Variants in SRD5A2 observed in about 807,000 individuals in gnomAD.
SRD5A2 encodes the protein steroid 5 alpha-reductase 2.
A neutral mutation model predicts 27.4 loss-of-function variants in SRD5A2; 30 were observed. The observed-to-expected ratio is 1.10, with a 90% CI of 0.82 to 1.49. SRD5A2 has a LOEUF of 1.49. SRD5A2 is among the 40% of genes most tolerant of loss of function. SRD5A2 has a pLI of 0.00. For missense variants in SRD5A2, 348 were observed against 323.4 expected, an observed-to-expected ratio of 1.08 and a Z score of -0.58; for synonymous variants, 141 against 133.6, an observed-to-expected ratio of 1.06 and a Z score of -0.38.
At chr2:31,589,972 G>C in the SRD5A2 span, among the ~76,000 whole-genome samples, 1 of 152,132 alleles carries the variant, frequency 6.6e-6, no homozygotes, top group Non-Finnish European at 1.5e-5. Context: ...TGAGAGCTGA[G>C]TGAGGCCCGT....
the SRD5A2 span, among the ~76,000 whole-genome samples, chr2:31,628,514 T>G: frequency 6.6e-6 from 1 of 152,176 alleles, no homozygotes; most frequent in Non-Finnish European, 1.5e-5. Context: ...CCTGTCATCA[T>G]ATTGTTAGCT....
At chr2:31,609,602 C>T in the SRD5A2 span, among the ~76,000 whole-genome samples, 2 of 152,208 alleles carry the variant, frequency 1.3e-5, no homozygotes, top group East Asian at 3.9e-4. Context: ...TTTCACCCCA[C>T]ATGCAAAAAT....
upstream of SRD5A2, among the ~76,000 whole-genome samples, chr2:31,583,319 A>T (rs1667112653): frequency 6.6e-6 from 1 of 152,228 alleles, no homozygotes; most frequent in Admixed American, 6.5e-5. Flanking sequence ...GCACACCCTT[A>T]CTTCCTATTT....
chr2:31,603,294 GA>G, the SRD5A2 span, among the ~76,000 whole-genome samples: 5 of 151,544 alleles, frequency 3.3e-5, no homozygotes, highest in South Asian at 4.2e-4. Flanking sequence ...CATACATGTG[GA>G]AAAAAAAGCT....
At chr2:31,531,826 C>T (rs889075534) in intron 2 of SRD5A2, among the ~76,000 whole-genome samples, 9 of 152,182 alleles carry the variant, frequency 5.9e-5, no homozygotes, top group Admixed American at 4.6e-4. Context: ...ACAGTCAAAT[C>T]GAGGTTTCAT....
At chr2:31,551,651 G>A (rs571105030) in intron 1 of SRD5A2, among the ~76,000 whole-genome samples, 1 of 152,252 alleles carries the variant, frequency 6.6e-6, no homozygotes, top group African/African-American at 2.4e-5. Context: ...AATGCATTTT[G>A]CTTTCATACC....
At chr2:31,560,303 A>T (rs1047188775) in intron 1 of SRD5A2, among the ~76,000 whole-genome samples, 2 of 152,024 alleles carry the variant, frequency 1.3e-5, no homozygotes, top group South Asian at 2.1e-4. Flanking sequence ...GACTGTGGGG[A>T]TGGGGAGAGA....
chr2:31,606,975 T>C, the SRD5A2 span, among the ~76,000 whole-genome samples: 1 of 151,936 alleles, frequency 6.6e-6, no homozygotes, highest in Admixed American at 6.6e-5. Flanking sequence ...AACAGAGAAA[T>C]GAGAAATCAC....
At chr2:31,655,481 T>C in the SRD5A2 span, among the ~76,000 whole-genome samples, 8 of 152,332 alleles carry the variant, frequency 5.3e-5, 2 homozygotes, top group African/African-American at 1.9e-4. Context: ...TTGTGGGGCC[T>C]GAGCAAGCAC....
At chr2:31,546,093 G>A (rs1223196977) in intron 1 of SRD5A2, among the ~76,000 whole-genome samples, 1 of 151,980 alleles carries the variant, frequency 6.6e-6, no homozygotes, top group Non-Finnish European at 1.5e-5. Flanking sequence ...CATGTTCATG[G>A]ACTGGAAGAC....
chr2:31,626,431 G>A, the SRD5A2 span, among the ~76,000 whole-genome samples: 1 of 152,222 alleles, frequency 6.6e-6, no homozygotes, highest in East Asian at 1.9e-4. Flanking sequence ...GCCCTGTCTT[G>A]TGCCGGTTTT....
At chr2:31,577,162 T>TAAAAAAAAAAAAAAAAAAAA (rs10683997) in intron 1 of SRD5A2, among the ~76,000 whole-genome samples, 1 of 57,180 alleles carries the variant, frequency 1.7e-5, no homozygotes, top group South Asian at 8.7e-4. Flanking sequence ...AAAAAAACAT[T>TAAAAAAAAAAAAAAAAAAAA]AAAAAAAAAA....
the SRD5A2 span, among the ~76,000 whole-genome samples, chr2:31,586,162 G>A: frequency 8.5e-5 from 13 of 152,120 alleles, no homozygotes; most frequent in Non-Finnish European, 1.9e-4. Flanking sequence ...GGTGTACGCC[G>A]TACCCAATGT....
the SRD5A2 span, among the ~76,000 whole-genome samples, chr2:31,600,955 G>T: frequency 1.3e-5 from 2 of 151,784 alleles, no homozygotes; most frequent in African/African-American, 2.4e-5. Context: ...AAAATGATAT[G>T]ATCATTTCAA....
chr2:31,579,105 G>A (rs1210428812), intron 1 of SRD5A2, among the ~76,000 whole-genome samples: 1 of 152,188 alleles, frequency 6.6e-6, no homozygotes, highest in Non-Finnish European at 1.5e-5. Context: ...TAAAATCTGT[G>A]TAAAATAAAG....
intron 1 of SRD5A2, among the ~76,000 whole-genome samples, chr2:31,549,239 A>T (rs1572641247): frequency 6.6e-6 from 1 of 151,668 alleles, no homozygotes; most frequent in Admixed American, 6.6e-5. Context: ...CAGCCTCCCA[A>T]GTAGCTGGGA....
chr2:31,563,181 A>G (rs1000712908), intron 1 of SRD5A2: 3 of 152,262 alleles, frequency 2.0e-5, no homozygotes, highest in South Asian at 2.1e-4. Context: ...TACGTCCCAA[A>G]GCATTACACG....
At chr2:31,565,819 G>C (rs1666718241) in intron 1 of SRD5A2, among the ~76,000 whole-genome samples, 1 of 151,876 alleles carries the variant, frequency 6.6e-6, no homozygotes, top group South Asian at 2.1e-4. Context: ...AAAATCATCA[G>C]GATATAGAAA....
the SRD5A2 span, among the ~76,000 whole-genome samples, chr2:31,589,439 G>A: frequency 6.6e-6 from 1 of 152,224 alleles, no homozygotes; most frequent in Non-Finnish European, 1.5e-5. Context: ...GCTCTCCCAG[G>A]TCCTCCTTCT....
Sources: gnomAD v4.1 joint callset for allele counts (sites outside exome capture counted in the v4.1 genomes callset) on GRCh38, gnomAD v4.1.1 for gene constraint, MANE v1.5 for transcripts, NCBI Gene and HGNC (gene_info 2026-07-23, HGNC 2026-07-21) for gene names.